The following KMT2E variants were observed in gnomAD, a reference collection of about 807,000 sequenced individuals.
KMT2E encodes lysine methyltransferase 2E (inactive).
KMT2E carries 30 observed loss-of-function variants against 184.6 expected under a neutral mutation model. The observed-to-expected ratio is 0.16, with a 90% confidence interval of 0.12 to 0.22. The LOEUF is 0.22. Ranked by LOEUF, KMT2E falls within the 10% of genes least tolerant of loss-of-function variation. KMT2E has a pLI of 1.00. For synonymous variants in KMT2E, 815 were observed against 776.5 expected (o/e 1.05, Z -0.82); for missense variants, 2,023 against 2,237.4 (o/e 0.90, Z 1.93).
intron 5 of KMT2E, among the ~76,000 whole-genome samples, chr7:105,064,788 A>G (rs1016526663): frequency 1.3e-5 from 2 of 149,244 alleles, no homozygotes; most frequent in African/African-American, 5.0e-5. Flanking sequence ...ATACAGTGAC[A>G]CTTTGCTTTC....
intron 3 of KMT2E, among the ~76,000 whole-genome samples, chr7:105,046,862 T>C (rs1410752025): frequency 6.6e-6 from 1 of 152,220 alleles, no homozygotes; most frequent in Non-Finnish European, 1.5e-5. Context: ...TTAAAATAGT[T>C]GTATTTTAAA....
intron 6 of KMT2E, among the ~76,000 whole-genome samples, chr7:105,073,200 G>T (rs1475239857): frequency 6.6e-6 from 1 of 151,724 alleles, no homozygotes; most frequent in African/African-American, 2.4e-5. Flanking sequence ...CTTGATCCAG[G>T]AGTTCAAGAC....
At position 105,102,090 on chromosome 7, in the gene KMT2E, C is replaced by T. The variant is rs768318356; in HGVS notation, c.2092C>T (p.Leu698Phe). 5 of 1,613,036 alleles carry T rather than the reference C, an allele frequency of 3.1e-6. No homozygotes were observed. In the South Asian group the frequency reaches 5.5e-5, roughly 18 times the overall value. Residue 698 changes from leucine to phenylalanine, a missense_variant, in exon 17 of 27, where the codon CTT (leucine) becomes TTT (phenylalanine). Transcript: ENST00000311117. ...SQQNDIENTV[L>F]TIEPETETAL... ...ACAAAATGATATTGAAAATACTGTACTTACAATAGAACCAGAAACTGAAAC... is the reference window on the plus strand; with the variant it reads ...ACAAAATGATATTGAAAATACTGTATTTACAATAGAACCAGAAACTGAAAC...
At chr7:105,105,718 A>G in intron 18 of KMT2E, 25 bp downstream of exon 18, 1 of 1,586,504 alleles carries the variant, frequency 6.3e-7, no homozygotes. Context: ...GGAAGTAAAA[A>G]TGTAGAATGA....
chr7:105,054,536 G>A (rs1428876062), intron 3 of KMT2E, among the ~76,000 whole-genome samples: 1 of 151,340 alleles, frequency 6.6e-6, no homozygotes, highest in Non-Finnish European at 1.5e-5. Context: ...GTCTATTTGA[G>A]ATGGAGTTTT....
chr7:105,061,164 T>C (rs1397933876), intron 3 of KMT2E, among the ~76,000 whole-genome samples: 2 of 151,572 alleles, frequency 1.3e-5, no homozygotes, highest in Non-Finnish European at 2.9e-5. Context: ...GATGACAGTA[T>C]ATTAAGAAGC....
chr7:105,060,594 T>G (rs920299423), intron 3 of KMT2E, among the ~76,000 whole-genome samples: 6 of 143,732 alleles, frequency 4.2e-5, no homozygotes, highest in South Asian at 2.3e-4. Context: ...GCTTGGCTAG[T>G]TTTTTTTTTT....
chr7:105,063,885 A>T, intron 5 of KMT2E: 1 of 458,312 alleles, frequency 2.2e-6, no homozygotes, highest in Non-Finnish European at 4.1e-6. Context: ...CAAGATAGAA[A>T]TGAGAGAATT....
At position 105,107,680 on chromosome 7, in the gene KMT2E, G is replaced by A; in HGVS notation, c.3223G>A (p.Gly1075Arg). ...CTGGGTAAAGAGCCCTGACAGAACA[G>A]GAGTTAACTTCTCAGTGAACTCCAA... ...SSWVKSPDRT[G>R]VNFSVNSNLR... Residue 1075 changes from glycine (G) to arginine (R), a missense_variant, in exon 22 of 27, where the codon GGA becomes AGA. By Grantham distance (125) the Gly-to-Arg change is moderately radical (BLOSUM62 -2). This residue lies in a region of KMT2E where 1,108 missense variants were observed against 1,050.9 expected (regional missense o/e 1.05). Transcript: ENST00000311117. 1.2e-6 allele frequency: 2 copies of A among 1,614,166 alleles called. No individual in the cohort carries two copies. The highest frequency in any genetic ancestry group is 8.5e-7 in the Non-Finnish European group (1 of 1,180,044).
Position 105,068,490 on chromosome 7 carries a change from G to A in KMT2E, c.497+1683G>A, listed in dbSNP as rs1368988779. On this transcript the variant is annotated intron_variant, in intron 6 of 26. Coordinates refer to ENST00000311117, the MANE Select transcript of KMT2E (RefSeq NM_182931.3). ...TTTTTTTAAGACAGGATCTCACATTGTCGAACAGGCTACGTGTGACCACAG... is the reference window on the plus strand; with the variant it reads ...TTTTTTTAAGACAGGATCTCACATTATCGAACAGGCTACGTGTGACCACAG... 3.3e-5 allele frequency among the ~76,000 whole-genome samples: 5 copies of A among 150,860 alleles called. No individual in the cohort carries two copies. In the East Asian group the frequency reaches 9.7e-4, roughly 29 times the overall value.
At chr7:105,106,082 G>C in intron 19 of KMT2E, 79 bp downstream of exon 19, 1 of 1,329,310 alleles carries the variant, frequency 7.5e-7, no homozygotes, top group East Asian at 2.3e-5. Flanking sequence ...CATATTTCTA[G>C]TTACTGGTAT....
At chr7:105,060,567 C>G (rs1334997889) in intron 3 of KMT2E, among the ~76,000 whole-genome samples, 4 of 152,032 alleles carry the variant, frequency 2.6e-5, no homozygotes, top group African/African-American at 4.8e-5. Context: ...GCTAGGACTA[C>G]AGACGTGTGC....
rs1327919069 is a variant in KMT2E at position 105,076,982 on chromosome 7, A to G, written c.788A>G (p.Asp263Gly). The change falls in exon 10 of 27, where the codon GAT (aspartate) becomes GGT (glycine). Residue 263 changes from aspartate (D) to glycine (G), a missense_variant. Transcript: ENST00000311117. ...SRVKGSAPEI[D>G]PSSDGSNFGW... ...TTTTAGGGTTCAGCTCCAGAGATTG[A>G]TCCTTCATCTGATGGTTCAAATTTT... 1 of 1,613,288 alleles carries G rather than the reference A, an allele frequency of 6.2e-7. No individual in the cohort carries two copies. Among genetic ancestry groups the G allele is most frequent in the Non-Finnish European group, 8.5e-7 (1 of 1,179,916 alleles).
intron 1 of KMT2E, among the ~76,000 whole-genome samples, chr7:105,023,816 C>T: frequency 6.6e-6 from 1 of 152,054 alleles, no homozygotes; most frequent in East Asian, 1.9e-4. Context: ...CACATACATG[C>T]AAATTAATGC....
At chr7:105,077,862 T>TGG (rs1797596182) in intron 11 of KMT2E, 1 of 166,672 alleles carries the variant, frequency 6.0e-6, no homozygotes, top group Admixed American at 5.8e-5. Context: ...CCCTTCCTCT[T>TGG]TATTAGACAG....
intron 13 of KMT2E, among the ~76,000 whole-genome samples, chr7:105,084,108 C>A (rs1341935929): frequency 6.6e-6 from 1 of 152,168 alleles, no homozygotes; most frequent in Non-Finnish European, 1.5e-5. Context: ...GGCCCAGCTG[C>A]GGTGATGGCT....
At position 105,108,963 on chromosome 7, in the gene KMT2E, A is replaced by G; in HGVS notation, c.3490A>G (p.Lys1164Glu). The G allele has an allele frequency of 6.2e-7, 1 of 1,611,906 alleles. No individual in the cohort carries two copies. Among genetic ancestry groups the G allele is most frequent in the Non-Finnish European group, 8.5e-7 (1 of 1,178,112 alleles). ...KKKVSLLEYR[K>E]RQREARKSGS... ...TAAGGTTTCTCTATTAGAATACCGT[A>G]AGAGACAACGTGAAGCTAGGAAAAG... The change falls in exon 23 of 27, where the codon AAG (lysine) becomes GAG (glutamate). Residue 1164 changes from lysine (K) to glutamate (E), a missense_variant. By Grantham distance (56) the Lys-to-Glu change is moderately conservative. Transcript: ENST00000311117.
rs545040338 is a variant in KMT2E at position 105,044,057 on chromosome 7, C to G, written c.71+3034C>G. On this transcript the variant is annotated intron_variant, in intron 3 of 26. Transcript: ENST00000311117. ...AGGCTGCAGTGAGCCATGATCGCAC[C>G]ACTGCGTTCCAGCCTGGGTGACAGA... 5.3e-5 allele frequency among the ~76,000 whole-genome samples: 8 copies of G among 152,278 alleles called. No individual in the cohort carries two copies. The South Asian group carries it at 1.7e-3, about 32-fold the overall frequency.
At chr7:105,106,313 C>T (rs1798896183) in intron 19 of KMT2E, among the ~76,000 whole-genome samples, 1 of 152,116 alleles carries the variant, frequency 6.6e-6, no homozygotes, top group Non-Finnish European at 1.5e-5. Context: ...GCCTATAATC[C>T]CTCCAGGCAA....
Sources: allele counts gnomAD v4.1 joint callset (sites outside exome capture counted in the v4.1 genomes callset), GRCh38; gene constraint gnomAD v4.1.1; regional missense constraint gnomAD v4.1.1; transcripts MANE v1.5; gene names NCBI Gene and HGNC (gene_info 2026-07-23, HGNC 2026-07-21).